Variants in ADAM18 observed in about 807,000 individuals in gnomAD.
ADAM18 encodes ADAM metallopeptidase domain 18.
Under a neutral mutation model 94.4 loss-of-function variants are expected in ADAM18, and 117 were observed. That is an observed-to-expected ratio of 1.24 (90% confidence interval 1.07 to 1.45). ADAM18 has a LOEUF of 1.45. Among genes scored for constraint, ADAM18 ranks in the 40% most tolerant of loss-of-function variants. The probability of loss-of-function intolerance (pLI) is 0.00; values close to 1 mark genes in which losing one functional copy is unlikely to be tolerated. For synonymous variants in ADAM18, 327 were observed against 291.6 expected (o/e 1.12, Z -1.24); for missense variants, 936 against 880.0 (o/e 1.06, Z -0.81).
chr8:39,690,802 T>C (rs543073179), intron 16 of ADAM18, among the ~76,000 whole-genome samples: 4 of 152,294 alleles, frequency 2.6e-5, no homozygotes, highest in Non-Finnish European at 4.4e-5. Context: ...GTTTGGAGAT[T>C]TCTCAAAGAA....
At chr8:39,603,075 C>A (rs999216941) in intron 2 of ADAM18, among the ~76,000 whole-genome samples, 1 of 152,102 alleles carries the variant, frequency 6.6e-6, no homozygotes, top group African/African-American at 2.4e-5. Flanking sequence ...TATTGAGATT[C>A]GTCTTTTTGC....
chr8:39,718,634 A>G (rs1474295090), intron 18 of ADAM18, among the ~76,000 whole-genome samples: 1 of 151,522 alleles, frequency 6.6e-6, no homozygotes, highest in Non-Finnish European at 1.5e-5. Flanking sequence ...GATCTGCTGT[A>G]CAACATTGTA....
Position 39,692,624 on chromosome 8 carries a change from A to G in ADAM18, c.1846A>G (p.Lys616Glu), listed in dbSNP as rs530323413. The G allele has an allele frequency of 1.9e-5, 30 of 1,606,018 alleles. No homozygotes were observed. The South Asian group carries it at 3.3e-4, about 18-fold the overall frequency. The change falls in exon 17 of 20, where the codon AAA becomes GAA. Residue 616 changes from lysine (K) to glutamate (E), a missense_variant. Coordinates refer to ENST00000265707, the MANE Select transcript of ADAM18 (RefSeq NM_014237.3). ...EMYCVNKTCRKVHLMGYNCNA... is the reference protein window; with the variant it reads ...EMYCVNKTCREVHLMGYNCNA... ...GTACTGTGTAAATAAAACCTGCAGA[A>G]AAGTTCATTTAATGGGATATAACTG...
At chr8:39,633,093 G>A (rs1819978137) in intron 7 of ADAM18, among the ~76,000 whole-genome samples, 1 of 152,082 alleles carries the variant, frequency 6.6e-6, no homozygotes, top group African/African-American at 2.4e-5. Context: ...TAGCAAAAAG[G>A]TCCTCACCAG....
intron 14 of ADAM18, among the ~76,000 whole-genome samples, chr8:39,671,282 TAA>T (rs1462384181): frequency 1.3e-5 from 2 of 152,198 alleles, no homozygotes; most frequent in African/African-American, 4.8e-5. Context: ...AGTATACTTG[TAA>T]GAGAGAATAC....
chr8:39,602,390 G>C (rs1282459174), intron 2 of ADAM18, among the ~76,000 whole-genome samples: 1 of 152,022 alleles, frequency 6.6e-6, no homozygotes, highest in East Asian at 1.9e-4. Context: ...AGAGTTTAAG[G>C]TTTTGACTTG....
At chr8:39,600,605 C>T (rs1394435045) in intron 2 of ADAM18, among the ~76,000 whole-genome samples, 1 of 152,172 alleles carries the variant, frequency 6.6e-6, no homozygotes, top group Non-Finnish European at 1.5e-5. Context: ...AATGCTATTT[C>T]TGTGGATAAC....
chr8:39,677,031 A>C (rs1029727512), intron 14 of ADAM18, among the ~76,000 whole-genome samples: 2 of 152,208 alleles, frequency 1.3e-5, no homozygotes, highest in African/African-American at 4.8e-5. Context: ...AAATAAACAC[A>C]TGTGCTACAA....
chr8:39,687,552 A>G (rs1223718402), intron 16 of ADAM18, among the ~76,000 whole-genome samples: 1 of 152,086 alleles, frequency 6.6e-6, no homozygotes, highest in East Asian at 1.9e-4. Context: ...TTGGTGTACA[A>G]ATGATTCCAT....
chr8:39,628,166 G>A (rs1563281507), intron 6 of ADAM18, among the ~76,000 whole-genome samples: 1 of 151,490 alleles, frequency 6.6e-6, no homozygotes, highest in Admixed American at 6.6e-5. Context: ...CATTATTTCA[G>A]TTTGAGCAAT....
At position 39,610,609 on chromosome 8, in the gene ADAM18, A is replaced by T. The variant is rs73605945; in HGVS notation, c.425A>T (p.Gln142Leu). ...SSARFEHIIY[Q>L]MKNNDPNVSI... ...GCAAGATTTGAGCATATAATTTATC[A>T]AATGAAAAATAATGATCCAAATGTA... The change falls in exon 6 of 20, where the codon CAA becomes CTA. Residue 142 changes from glutamine (Q) to leucine (L), a missense_variant. Gln to Leu is a moderately radical substitution (Grantham distance 113). Coordinates refer to ENST00000265707, the MANE Select transcript of ADAM18 (RefSeq NM_014237.3). 16,510 of 1,612,972 alleles carry T rather than the reference A, an allele frequency of 0.01. 485 individuals are homozygous for T. In the African/African-American group the frequency reaches 0.11, roughly 11 times the overall value.
chr8:39,677,909 A>C (rs1821342353), intron 15 of ADAM18, among the ~76,000 whole-genome samples: 1 of 152,186 alleles, frequency 6.6e-6, no homozygotes, highest in South Asian at 2.1e-4. Flanking sequence ...GAGAAGAAGA[A>C]AGCTATTTTT....
chr8:39,669,818 G>A (rs952906341), intron 14 of ADAM18, among the ~76,000 whole-genome samples: 5 of 152,018 alleles, frequency 3.3e-5, no homozygotes, highest in Admixed American at 3.3e-4. Context: ...ATAATCCTTT[G>A]GGTATATACC....
At chr8:39,588,378 G>A in intron 2 of ADAM18, among the ~76,000 whole-genome samples, 1 of 152,078 alleles carries the variant, frequency 6.6e-6, no homozygotes. Context: ...TTGGACAGAA[G>A]TTTATTCAGG....
At chr8:39,617,291 G>A (rs565647608) in intron 6 of ADAM18, among the ~76,000 whole-genome samples, 3 of 152,264 alleles carry the variant, frequency 2.0e-5, no homozygotes, top group Admixed American at 2.0e-4. Flanking sequence ...TAACCACAAT[G>A]AGATACCATT....
intron 12 of ADAM18, among the ~76,000 whole-genome samples, chr8:39,649,624 C>A (rs1247711651): frequency 4.6e-5 from 7 of 152,132 alleles, no homozygotes; most frequent in Admixed American, 4.6e-4. Context: ...GCAGATATAG[C>A]CAGTGTCCCA....
At chr8:39,628,090 T>G (rs1251697829) in intron 6 of ADAM18, among the ~76,000 whole-genome samples, 2 of 152,050 alleles carry the variant, frequency 1.3e-5, no homozygotes, top group Admixed American at 1.3e-4. Context: ...AACTTTTTAG[T>G]CATTAAATAT....
At chr8:39,608,090 A>G (rs1467581931) in intron 3 of ADAM18, among the ~76,000 whole-genome samples, 1 of 152,104 alleles carries the variant, frequency 6.6e-6, no homozygotes, top group Non-Finnish European at 1.5e-5. Context: ...TTCAGGAAAA[A>G]AAAACATGTA....
intron 6 of ADAM18, among the ~76,000 whole-genome samples, chr8:39,628,321 G>A (rs1819830315): frequency 6.6e-6 from 1 of 151,836 alleles, no homozygotes; most frequent in African/African-American, 2.4e-5. Flanking sequence ...TATACACAAA[G>A]AGAGGATATA....
Sources: allele counts gnomAD v4.1 joint callset (sites outside exome capture counted in the v4.1 genomes callset), GRCh38; gene constraint gnomAD v4.1.1; transcripts MANE v1.5; gene names NCBI Gene and HGNC (gene_info 2026-07-23, HGNC 2026-07-21).